AGBL4: variants seen among roughly 807,000 people sequenced by gnomAD.
AGBL4 encodes AGBL carboxypeptidase 4, also known as cytosolic carboxypeptidase 6.
In AGBL4, 58 loss-of-function variants were observed where a neutral mutation model predicts 66.4. The observed-to-expected ratio is 0.87, with a 90% CI of 0.71 to 1.09. AGBL4 has a LOEUF of 1.09. Among genes scored for constraint, AGBL4 ranks in the 50% least tolerant of loss-of-function variants. AGBL4 has a pLI of 0.00. For missense variants in AGBL4, 579 were observed against 631.0 expected, an observed-to-expected ratio of 0.92 and a Z score of 0.88; for synonymous variants, 234 against 222.9, an observed-to-expected ratio of 1.05 and a Z score of -0.44.
chr1:48,676,428 C>A (rs561372001), intron 6 of AGBL4, among the ~76,000 whole-genome samples: 1 of 152,364 alleles, frequency 6.6e-6, no homozygotes, highest in East Asian at 1.9e-4. Flanking sequence ...AGGCAAGTTA[C>A]TTCACTTCTC....
chr1:49,797,116 T>G (rs1644750561), intron 2 of AGBL4, among the ~76,000 whole-genome samples: 1 of 152,180 alleles, frequency 6.6e-6, no homozygotes, highest in Non-Finnish European at 1.5e-5. Flanking sequence ...TCCAGCAAAT[T>G]TTTTATCAAC....
intron 5 of AGBL4, among the ~76,000 whole-genome samples, chr1:48,911,896 A>G (rs1653160842): frequency 6.6e-6 from 1 of 152,120 alleles, no homozygotes; most frequent in Admixed American, 6.5e-5. Context: ...CTGAGTTACT[A>G]CTTATTTTAT....
chr1:49,142,030 C>G (rs1230634893), intron 4 of AGBL4, among the ~76,000 whole-genome samples: 1 of 152,144 alleles, frequency 6.6e-6, no homozygotes, highest in Non-Finnish European at 1.5e-5. Context: ...ACCCCCTGAG[C>G]TCCACCTCCT....
intron 5 of AGBL4, among the ~76,000 whole-genome samples, chr1:48,963,878 A>G (rs1269880054): frequency 6.6e-6 from 1 of 152,210 alleles, no homozygotes; most frequent in East Asian, 1.9e-4. Flanking sequence ...ATATCATTTC[A>G]CTGGATTCAT....
At chr1:48,599,946 G>A (rs1645050575) in intron 9 of AGBL4, among the ~76,000 whole-genome samples, 1 of 152,180 alleles carries the variant, frequency 6.6e-6, no homozygotes, top group African/African-American at 2.4e-5. Context: ...GAGGTCCTGG[G>A]ACTGAGTCTG....
chr1:49,527,093 A>C (rs1650716026), intron 3 of AGBL4: 1 of 152,174 alleles, frequency 6.6e-6, no homozygotes, highest in African/African-American at 2.4e-5. Flanking sequence ...AGAAACTAAA[A>C]ATAATAAAAC....
chr1:48,750,159 C>A lies in AGBL4; in HGVS notation c.635-86918G>T, dbSNP rs114875838. 7.0e-3 allele frequency among the ~76,000 whole-genome samples: 1,062 copies of A among 152,288 alleles called. 13 individuals are homozygous for A. Among genetic ancestry groups the A allele is most frequent in the African/African-American group, 0.023 (966 of 41,564 alleles). On this transcript the variant is annotated intron_variant, in intron 6 of 13. Coordinates refer to ENST00000371839, the MANE Select transcript of AGBL4 (RefSeq NM_032785.4). ...TATGGGATTCATCTTTGCTAAATGGCTGTTGATTGATTTGCCTGACTCAGA... is the reference window on the plus strand; with the variant it reads ...TATGGGATTCATCTTTGCTAAATGGATGTTGATTGATTTGCCTGACTCAGA...
intron 3 of AGBL4, among the ~76,000 whole-genome samples, chr1:49,693,993 T>G (rs1287221089): frequency 6.6e-6 from 1 of 152,186 alleles, no homozygotes; most frequent in Non-Finnish European, 1.5e-5. Context: ...ATATCAGTCC[T>G]GGGATACAAC....
At chr1:48,846,284 A>G (rs896633237) in intron 6 of AGBL4, among the ~76,000 whole-genome samples, 4 of 151,702 alleles carry the variant, frequency 2.6e-5, no homozygotes, top group Non-Finnish European at 2.9e-5. Flanking sequence ...CTAAATACTC[A>G]AGATTTGTAA....
chr1:49,955,327 T>A (rs1270314259), intron 1 of AGBL4, among the ~76,000 whole-genome samples: 2 of 151,994 alleles, frequency 1.3e-5, no homozygotes, highest in African/African-American at 4.8e-5. Flanking sequence ...AAACAATCCA[T>A]TTGTGATTGT....
rs149961177 is a variant in AGBL4, at chr1:49,543,523, G to A, written c.282+153790C>T. 1.4e-3 allele frequency among the ~76,000 whole-genome samples: 215 copies of A among 152,168 alleles called. 1 individual carries two copies. The highest frequency in any genetic ancestry group is 6.8e-3 in the Middle Eastern group (2 of 294). Reference sequence around the variant, plus strand: ...GAAAAGCACACTCAGGCCTTTTAGCGATGTCTGACCACATGTTGTAAGGAG... The same window carrying A: ...GAAAAGCACACTCAGGCCTTTTAGCAATGTCTGACCACATGTTGTAAGGAG... On this transcript the variant is annotated intron_variant, in intron 3 of 13. Transcript: ENST00000371839.
chr1:48,733,335 C>A (rs1291667912), intron 6 of AGBL4, among the ~76,000 whole-genome samples: 1 of 152,120 alleles, frequency 6.6e-6, no homozygotes, highest in Non-Finnish European at 1.5e-5. Context: ...GAATCACCAG[C>A]CCCAAATAAG....
At chr1:49,551,497 T>C (rs1652951535) in intron 3 of AGBL4, among the ~76,000 whole-genome samples, 1 of 152,334 alleles carries the variant, frequency 6.6e-6, no homozygotes, top group Middle Eastern at 3.4e-3. Flanking sequence ...GTTCCCTTCA[T>C]GTTGTACTCT....
At position 48,760,766 on chromosome 1, in the gene AGBL4, T is replaced by A. The variant is rs1644215646; in HGVS notation, c.635-97525A>T. ...TCCTTCTCCCTTCCTCTCAGGTATC[T>A]ACTGCACAGAAAAAAACAGCTAGCT... On this transcript the variant is annotated intron_variant, in intron 6 of 13. Coordinates refer to ENST00000371839, the MANE Select transcript of AGBL4 (RefSeq NM_032785.4). Among the ~76,000 whole-genome samples the A allele has an allele frequency of 3.3e-5, 5 of 152,194 alleles. No homozygotes were observed. The South Asian group carries it at 1.0e-3, about 31-fold the overall frequency.
intron 4 of AGBL4, among the ~76,000 whole-genome samples, chr1:49,059,077 A>G (rs1644356728): frequency 6.6e-6 from 1 of 152,246 alleles, no homozygotes; most frequent in Admixed American, 6.5e-5. Context: ...CAAGGAGCCA[A>G]ATGTTAATCA....
intron 3 of AGBL4, among the ~76,000 whole-genome samples, chr1:49,313,711 T>C (rs1228995652): frequency 6.6e-6 from 1 of 152,212 alleles, no homozygotes; most frequent in Non-Finnish European, 1.5e-5. Flanking sequence ...TGCCCACTTT[T>C]TGATGGGGTT....
intron 6 of AGBL4, among the ~76,000 whole-genome samples, chr1:48,670,360 A>G (rs1646257888): frequency 1.3e-5 from 2 of 152,234 alleles, no homozygotes; most frequent in African/African-American, 4.8e-5. Context: ...CCACACAGCT[A>G]GAGAGTAGTC....
At chr1:49,756,149 A>C (rs1005033407) in intron 2 of AGBL4, among the ~76,000 whole-genome samples, 1 of 152,192 alleles carries the variant, frequency 6.6e-6, no homozygotes, top group East Asian at 1.9e-4. Context: ...TGGCTTTTAA[A>C]TAAGATATTT....
intron 1 of AGBL4, among the ~76,000 whole-genome samples, chr1:49,963,380 A>G (rs533744992): frequency 6.6e-6 from 1 of 152,236 alleles, no homozygotes; most frequent in Admixed American, 6.5e-5. Flanking sequence ...TCCAAAGGCT[A>G]GTGACTGAAC....
Sources: allele counts gnomAD v4.1 joint callset (sites outside exome capture counted in the v4.1 genomes callset), GRCh38; gene constraint gnomAD v4.1.1; transcripts MANE v1.5; gene names NCBI Gene and HGNC (gene_info 2026-07-23, HGNC 2026-07-21).